The following TM9SF2 variants were observed in gnomAD, a reference collection of about 807,000 sequenced individuals.
The protein encoded by TM9SF2 is 76 kDa membrane protein.
A neutral mutation model predicts 84.9 loss-of-function variants in TM9SF2; 13 were observed. The observed-to-expected ratio is 0.15, with a 90% CI of 0.10 to 0.24. The LOEUF is 0.24. Ranked by LOEUF, TM9SF2 falls within the 10% of genes least tolerant of loss-of-function variation. TM9SF2 has a pLI of 1.00. For missense variants in TM9SF2, 562 were observed against 818.5 expected, an observed-to-expected ratio of 0.69 and a Z score of 3.82; for synonymous variants, 273 against 285.8, an observed-to-expected ratio of 0.96 and a Z score of 0.45.
intron 4 of TM9SF2, 111 bp from the exon 5 acceptor site, chr13:99,536,497 T>G: frequency 7.6e-7 from 1 of 1,308,980 alleles, no homozygotes; most frequent in Middle Eastern, 1.9e-4. Flanking sequence ...TTTGTAATCT[T>G]AAGGCATTTA....
Position 99,501,533 on chromosome 13 carries a change from GTCTCCGAGAC to G in TM9SF2, c.-71_-62del. ...CTTTATCTCTGGCGGCCTTGTAGTCGTCTCCGAGACTCCCCACCCCTCCTTCCCTCTTGAC... is the reference window on the plus strand; with the variant it reads ...CTTTATCTCTGGCGGCCTTGTAGTCGTCCCCACCCCTCCTTCCCTCTTGAC... On this transcript the variant is annotated 5_prime_UTR_variant, in exon 1 of 17. Coordinates refer to ENST00000376387, the MANE Select transcript of TM9SF2 (RefSeq NM_004800.3). 1 of 1,540,806 alleles carries G rather than the reference GTCTCCGAGAC, an allele frequency of 6.5e-7. No individual in the cohort carries two copies. Among genetic ancestry groups the G allele is most frequent in the Non-Finnish European group, 8.8e-7 (1 of 1,142,098 alleles).
intron 6 of TM9SF2, among the ~76,000 whole-genome samples, chr13:99,539,202 C>A (rs1212193682): frequency 2.0e-5 from 3 of 149,230 alleles, no homozygotes; most frequent in Non-Finnish European, 4.4e-5. Context: ...AGAGCAAGAC[C>A]CTGTCCCAAA....
At chr13:99,506,436 G>T (rs17610474) in intron 1 of TM9SF2, among the ~76,000 whole-genome samples, 14,855 of 152,214 alleles carry the variant, frequency 0.098, 867 homozygotes, top group East Asian at 0.21. Context: ...TTTCAAATCT[G>T]AAATCTGGCA....
intron 1 of TM9SF2, among the ~76,000 whole-genome samples, chr13:99,505,066 T>G (rs1487811437): frequency 6.6e-6 from 1 of 152,250 alleles, no homozygotes; most frequent in East Asian, 1.9e-4. Flanking sequence ...ATAGGTTTGA[T>G]TTCCTTTAAC....
intron 15 of TM9SF2, 60 bp downstream of exon 15, chr13:99,555,707 A>G (rs2046322539): frequency 2.9e-6 from 3 of 1,052,598 alleles, no homozygotes; most frequent in Non-Finnish European, 2.8e-6. Context: ...GCATATTGCA[A>G]TTTGTATATT....
At chr13:99,559,255 A>G (rs908906478) in intron 15 of TM9SF2, 108 bp from the exon 16 acceptor site, 9 of 948,316 alleles carry the variant, frequency 9.5e-6, no homozygotes, top group Non-Finnish European at 1.2e-5. Context: ...GATAGCAGAA[A>G]TTAGATTGGG....
intron 1 of TM9SF2, among the ~76,000 whole-genome samples, chr13:99,506,218 A>G (rs542289599): frequency 6.6e-6 from 1 of 152,340 alleles, no homozygotes; most frequent in African/African-American, 2.4e-5. Context: ...GAACGGACAC[A>G]GAATGAATAT....
intron 3 of TM9SF2, among the ~76,000 whole-genome samples, chr13:99,526,254 A>G (rs1348200177): frequency 6.6e-6 from 1 of 152,252 alleles, no homozygotes; most frequent in African/African-American, 2.4e-5. Flanking sequence ...GGTTTGAAGT[A>G]ACAGCAGCCA....
At chr13:99,535,559 A>G (rs183752851) in intron 4 of TM9SF2, among the ~76,000 whole-genome samples, 93 of 152,356 alleles carry the variant, frequency 6.1e-4, no homozygotes, top group African/African-American at 2.0e-3. Flanking sequence ...GATTATAATA[A>G]TAAGCAGTTT....
At chr13:99,518,948 T>C (rs985010844) in intron 2 of TM9SF2, among the ~76,000 whole-genome samples, 3 of 152,032 alleles carry the variant, frequency 2.0e-5, no homozygotes, top group Non-Finnish European at 2.9e-5. Context: ...GCTGCATGAA[T>C]ATCCTTTATT....
At chr13:99,533,920 T>C (rs2046222371) in intron 4 of TM9SF2, among the ~76,000 whole-genome samples, 1 of 152,304 alleles carries the variant, frequency 6.6e-6, no homozygotes, top group East Asian at 1.9e-4. Flanking sequence ...CTACCCACCT[T>C]GGCCTCCCAA....
chr13:99,562,015 A>G (rs996793585), intron 16 of TM9SF2, among the ~76,000 whole-genome samples: 4 of 152,202 alleles, frequency 2.6e-5, no homozygotes, highest in African/African-American at 7.2e-5. Context: ...TTTACTCTAC[A>G]TAATAGTCTA....
intron 1 of TM9SF2, among the ~76,000 whole-genome samples, chr13:99,508,837 AC>A (rs1463916696): frequency 1.3e-5 from 2 of 152,042 alleles, no homozygotes; most frequent in Non-Finnish European, 1.5e-5. Context: ...TTAGACATCT[AC>A]CCCCATGATC....
At chr13:99,530,280 C>T (rs1392415740) in intron 4 of TM9SF2, among the ~76,000 whole-genome samples, 1 of 152,078 alleles carries the variant, frequency 6.6e-6, no homozygotes, top group African/African-American at 2.4e-5. Flanking sequence ...AAAAATTAGC[C>T]AGGTGTGGTG....
chr13:99,532,208 T>C (rs12873056), intron 4 of TM9SF2, among the ~76,000 whole-genome samples: 137,666 of 151,744 alleles, frequency 0.91, 62,506 homozygotes, highest in Admixed American at 0.94. Flanking sequence ...CCCGCCACCA[T>C]GCCGGCTAAT....
At chr13:99,526,194 G>A (rs2046182644) in intron 3 of TM9SF2, among the ~76,000 whole-genome samples, 1 of 152,232 alleles carries the variant, frequency 6.6e-6, no homozygotes, top group Non-Finnish European at 1.5e-5. Context: ...AATAGAGCAG[G>A]AGTGTGGAGC....
intron 1 of TM9SF2, among the ~76,000 whole-genome samples, chr13:99,515,230 C>G (rs2046128917): frequency 6.6e-6 from 1 of 152,158 alleles, no homozygotes; most frequent in Non-Finnish European, 1.5e-5. Context: ...AGGAACTGGA[C>G]TAGTATTTTG....
intron 10 of TM9SF2, among the ~76,000 whole-genome samples, chr13:99,545,142 T>A (rs1331679446): frequency 2.0e-5 from 3 of 152,232 alleles, no homozygotes; most frequent in Non-Finnish European, 4.4e-5. Context: ...CATTTATTTT[T>A]TATGTTTGAT....
chr13:99,554,243 A>G (rs2046317401), intron 13 of TM9SF2, 61 bp from the exon 14 acceptor site: 1 of 1,566,970 alleles, frequency 6.4e-7, no homozygotes, highest in Admixed American at 1.8e-5. Flanking sequence ...AATCTCGTGT[A>G]GAGAAGAATA....
Sources: gnomAD v4.1 joint callset for allele counts (sites outside exome capture counted in the v4.1 genomes callset) on GRCh38, gnomAD v4.1.1 for gene constraint, MANE v1.5 for transcripts, NCBI Gene and HGNC (gene_info 2026-07-23, HGNC 2026-07-21) for gene names.